Variants in MIPEP observed in about 807,000 individuals in gnomAD.
MIPEP encodes the protein mitochondrial intermediate peptidase.
In MIPEP, 79 loss-of-function variants were observed where a neutral mutation model predicts 90.3. The observed-to-expected ratio is 0.87, with a 90% CI of 0.73 to 1.05. The LOEUF (loss-of-function observed/expected upper bound fraction) is 1.05, where lower values mean the gene tolerates loss of function less well. MIPEP is among the 50% of genes least tolerant of loss of function. The probability of loss-of-function intolerance (pLI) is 0.00; values close to 1 mark genes in which losing one functional copy is unlikely to be tolerated. For synonymous variants in MIPEP, 334 were observed against 315.8 expected (o/e 1.06, Z -0.61); for missense variants, 940 against 905.6 (o/e 1.04, Z -0.49).
At chr13:23,884,321 T>C (rs1871384280) in intron 2 of MIPEP, among the ~76,000 whole-genome samples, 1 of 152,198 alleles carries the variant, frequency 6.6e-6, no homozygotes, top group Admixed American at 6.5e-5. Context: ...TTAAAATTCA[T>C]AGAACTGTAC....
chr13:23,732,222 C>T (rs1347080443), intron 18 of MIPEP, among the ~76,000 whole-genome samples: 1 of 151,952 alleles, frequency 6.6e-6, no homozygotes, highest in Non-Finnish European at 1.5e-5. Context: ...CTTCTGGGCT[C>T]AAGCGATCCT....
intron 18 of MIPEP, among the ~76,000 whole-genome samples, chr13:23,748,314 C>G (rs1029393259): frequency 6.9e-6 from 1 of 145,174 alleles, no homozygotes; most frequent in Non-Finnish European, 1.6e-5. Context: ...ATGGGCTGAG[C>G]CCTGTAACAG....
chr13:23,851,532 A>G (rs191391559), intron 10 of MIPEP, among the ~76,000 whole-genome samples: 137 of 152,250 alleles, frequency 9.0e-4, no homozygotes, highest in Non-Finnish European at 1.5e-3. Flanking sequence ...ACTGAGGAAA[A>G]ACTGGACATT....
Position 23,810,816 on chromosome 13 carries a change from T to C in MIPEP, c.1654-892A>G, listed in dbSNP as rs574166754. Among the ~76,000 whole-genome samples the C allele has an allele frequency of 4.6e-5, 7 of 152,284 alleles. No homozygotes were observed. In the East Asian group the frequency reaches 1.3e-3, roughly 29 times the overall value. ...TACTCGGCAGACACTCAGGAAAGAT[T>C]TGTGAAGGAATGAACTAATAGAAGA... On this transcript the variant is annotated intron_variant, in intron 14 of 18. Transcript: ENST00000382172.
rs1403447112 is a variant in MIPEP at position 23,753,069 on chromosome 13, A to C, written c.2044+3476T>G. On this transcript the variant is annotated intron_variant, in intron 18 of 18. Coordinates refer to ENST00000382172, the MANE Select transcript of MIPEP (RefSeq NM_005932.4). ...ATGGCAAAATCCCGTCTCTACTAAA[A>C]ATACAAAAATTAGCTGGGCATGGTG... is the stretch of plus-strand genomic sequence containing the variant. Among the ~76,000 whole-genome samples the C allele has an allele frequency of 3.9e-5, 6 of 152,228 alleles. No homozygotes were observed. In the East Asian group the frequency reaches 1.2e-3, roughly 29 times the overall value.
At chr13:23,769,691 T>C (rs1384610639) in intron 16 of MIPEP, among the ~76,000 whole-genome samples, 1 of 152,166 alleles carries the variant, frequency 6.6e-6, no homozygotes, top group African/African-American at 2.4e-5. Context: ...ACCTCTACCC[T>C]GTTAGATAAA....
At chr13:23,873,174 A>T (rs908033157) in intron 5 of MIPEP, among the ~76,000 whole-genome samples, 2 of 152,226 alleles carry the variant, frequency 1.3e-5, no homozygotes, top group African/African-American at 2.4e-5. Flanking sequence ...GACTTCAGCC[A>T]GGGAAACCTG....
intron 16 of MIPEP, among the ~76,000 whole-genome samples, chr13:23,786,195 C>T (rs555410769): frequency 8.5e-4 from 129 of 152,242 alleles, no homozygotes; most frequent in African/African-American, 3.0e-3. Context: ...CCCCTGCATG[C>T]CAGCCTGGGC....
intron 16 of MIPEP, among the ~76,000 whole-genome samples, chr13:23,791,617 C>A (rs1952898786): frequency 6.6e-6 from 1 of 152,218 alleles, no homozygotes; most frequent in African/African-American, 2.4e-5. Context: ...CTATTCTCCC[C>A]TGCATCACTG....
intron 5 of MIPEP, among the ~76,000 whole-genome samples, chr13:23,873,914 C>G (rs921092774): frequency 6.6e-6 from 1 of 152,154 alleles, no homozygotes; most frequent in Admixed American, 6.5e-5. Context: ...CATGCTGAAC[C>G]TTTAATGCCA....
intron 1 of MIPEP, chr13:23,888,586 C>G: frequency 1.5e-5 from 8 of 516,462 alleles, no homozygotes; most frequent in Non-Finnish European, 2.0e-5. Flanking sequence ...AGACTCGTCT[C>G]AACAGAGTTT....
chr13:23,791,850 A>AT (rs982114712), intron 16 of MIPEP, among the ~76,000 whole-genome samples: 1 of 152,126 alleles, frequency 6.6e-6, no homozygotes, highest in African/African-American at 2.4e-5. Context: ...TACCCACTCC[A>AT]TTTAGCCTTT....
intron 16 of MIPEP, among the ~76,000 whole-genome samples, chr13:23,803,942 T>C (rs1216485322): frequency 6.6e-6 from 1 of 152,182 alleles, no homozygotes; most frequent in Non-Finnish European, 1.5e-5. Context: ...CTTAAAACAA[T>C]TTACACAAAG....
chr13:23,885,912 T>TAAAAAAAA (rs34069993), intron 2 of MIPEP, among the ~76,000 whole-genome samples: 1 of 134,916 alleles, frequency 7.4e-6, no homozygotes. Context: ...CTGTCTCTAT[T>TAAAAAAAA]AAAAAAAAAA....
chr13:23,822,849 G>A (rs1473573883), intron 14 of MIPEP, among the ~76,000 whole-genome samples: 1 of 150,168 alleles, frequency 6.7e-6, no homozygotes, highest in Non-Finnish European at 1.5e-5. Flanking sequence ...ACCCAACTAT[G>A]TGAAGTCCAA....
chr13:23,836,583 A>T (rs1869060484), intron 13 of MIPEP, among the ~76,000 whole-genome samples: 1 of 152,232 alleles, frequency 6.6e-6, no homozygotes, highest in African/African-American at 2.4e-5. Context: ...AGCTGCTAAA[A>T]CACCTTATAA....
intron 16 of MIPEP, among the ~76,000 whole-genome samples, chr13:23,790,837 T>C (rs540319838): frequency 1.3e-5 from 2 of 152,232 alleles, no homozygotes; most frequent in Non-Finnish European, 2.9e-5. Context: ...ACAGCAACAA[T>C]AGGCAACTAA....
rs1952455455 is a variant in MIPEP at position 23,752,858 on chromosome 13, T to C, written c.2044+3687A>G. On this transcript the variant is annotated intron_variant, in intron 18 of 18. Coordinates refer to ENST00000382172, the MANE Select transcript of MIPEP (RefSeq NM_005932.4). The stretch of plus-strand genomic sequence containing the variant: ...AATAGACAAGGCCATACTGTCAATC[T>C]GCAAAGCTACTGCCACACGTCTGTA... Among the ~76,000 whole-genome samples, 3 of 152,224 alleles carry C rather than the reference T, an allele frequency of 2.0e-5. No homozygotes were observed. In the South Asian group the frequency reaches 6.2e-4, roughly 32 times the overall value.
chr13:23,741,822 A>AT (rs200578024), intron 18 of MIPEP, among the ~76,000 whole-genome samples: 1 of 142,060 alleles, frequency 7.0e-6, no homozygotes, highest in Non-Finnish European at 1.6e-5. Flanking sequence ...TAGAAAAAAA[A>AT]TTTAAAAAAA....
Sources: allele counts gnomAD v4.1 joint callset (sites outside exome capture counted in the v4.1 genomes callset), GRCh38; gene constraint gnomAD v4.1.1; transcripts MANE v1.5; gene names NCBI Gene and HGNC (gene_info 2026-07-23, HGNC 2026-07-21).